Variants in MGST3 observed in about 807,000 individuals in gnomAD.
MGST3 encodes glutathione S-transferase 3, mitochondrial.
In MGST3, 13 loss-of-function variants were observed where a neutral mutation model predicts 15.8. The ratio of observed to expected loss-of-function variants is 0.82; its 90% CI spans 0.54 to 1.31. The LOEUF (loss-of-function observed/expected upper bound fraction) is 1.31, where lower values mean the gene tolerates loss of function less well. MGST3 is among the 50% of genes most tolerant of loss of function. The pLI is 0.00. For missense variants in MGST3, 155 were observed against 192.4 expected (o/e 0.81, Z 1.15); for synonymous variants, 49 against 68.1 (o/e 0.72, Z 1.38).
At chr1:165,650,687 A>G in intron 2 of MGST3, 1 of 372,656 alleles carries the variant, frequency 2.7e-6, no homozygotes, top group African/African-American at 2.1e-5. Flanking sequence ...CTATTTCCCT[A>G]CAGTATCTTT....
chr1:165,655,597 C>G lies in MGST3; in HGVS notation c.*93C>G. ...TTTTCTAAATATAATAAAAACTTAC[C>G]TGGCATCAGCCTCATACCTAAAACT... is the stretch of plus-strand genomic sequence containing the variant. On this transcript the variant is annotated 3_prime_UTR_variant, in exon 6 of 6. Coordinates refer to ENST00000367889, the MANE Select transcript of MGST3 (RefSeq NM_004528.4). 1 of 1,476,366 alleles carries G rather than the reference C, an allele frequency of 6.8e-7. No homozygotes were observed. Among genetic ancestry groups the G allele is most frequent in the Non-Finnish European group, 9.3e-7 (1 of 1,078,394 alleles). The allele number at this position is 1,476,366 out of a possible 1,614,324, so 91.5% of individuals were successfully genotyped here. A position where few individuals can be genotyped will look rare whatever the true frequency, so the allele number is the denominator to read the frequency against.
At chr1:165,633,416 C>T (rs1464815587) in intron 1 of MGST3, among the ~76,000 whole-genome samples, 2 of 152,040 alleles carry the variant, frequency 1.3e-5, no homozygotes, top group Non-Finnish European at 2.9e-5. Flanking sequence ...TTGCGTTCTA[C>T]GATTTAGTTG....
intron 1 of MGST3, among the ~76,000 whole-genome samples, chr1:165,641,468 A>G (rs1648264088): frequency 1.3e-5 from 2 of 152,242 alleles, no homozygotes; most frequent in African/African-American, 2.4e-5. Flanking sequence ...ATTATTTTAA[A>G]CAAAATCAGA....
chr1:165,644,322 T>G lies in MGST3; in HGVS notation c.-7-5519T>G, dbSNP rs1648336595. On this transcript the variant is annotated intron_variant, in intron 1 of 5. Transcript: ENST00000367889. Reference sequence around the variant, plus strand: ...GCCTATTGCTTCTAGGCTGCAAACATGTACAGCATGTTACTGTACTGAATA... The same window carrying G: ...GCCTATTGCTTCTAGGCTGCAAACAGGTACAGCATGTTACTGTACTGAATA... 2.6e-5 allele frequency among the ~76,000 whole-genome samples: 4 copies of G among 152,342 alleles called. No individual in the cohort carries two copies. In the South Asian group the frequency reaches 8.3e-4, roughly 32 times the overall value.
chr1:165,639,434 T>TA (rs886287392), intron 1 of MGST3, among the ~76,000 whole-genome samples: 2 of 152,236 alleles, frequency 1.3e-5, no homozygotes, highest in African/African-American at 4.8e-5. Flanking sequence ...ATAATAATAG[T>TA]AACTATCATA....
rs764568374 is a variant in MGST3 at position 165,654,367 on chromosome 1, C to T, written c.322+16C>T. The T allele has an allele frequency of 6.2e-7, 1 of 1,611,158 alleles. No individual in the cohort carries two copies. The highest frequency in any genetic ancestry group is 8.5e-7 in the Non-Finnish European group (1 of 1,177,382). On this transcript the variant is annotated intron_variant, in intron 5 of 5. Transcript: ENST00000367889. ...TACACGGGAGGTTAGTATATATTGA[C>T]ATTTGCCAAGGAAACAACTTTAAAA...
intron 1 of MGST3, among the ~76,000 whole-genome samples, chr1:165,633,695 A>G (rs1477223385): frequency 6.6e-6 from 1 of 152,100 alleles, no homozygotes; most frequent in East Asian, 1.9e-4. Context: ...GCTGCTACAA[A>G]TTAACTACAG....
intron 1 of MGST3, chr1:165,636,902 C>G (rs1648128176): frequency 6.6e-6 from 1 of 152,208 alleles, no homozygotes; most frequent in African/African-American, 2.4e-5. Context: ...AGAAGTTAGG[C>G]TGTACAACTA....
intron 1 of MGST3, chr1:165,631,999 G>GT: frequency 8.6e-6 from 4 of 463,616 alleles, no homozygotes; most frequent in Non-Finnish European, 1.6e-5. Flanking sequence ...GCACGGAGCC[G>GT]TAGGGCTACA....
intron 1 of MGST3, among the ~76,000 whole-genome samples, chr1:165,638,739 T>G (rs1344893274): frequency 2.0e-5 from 3 of 149,336 alleles, no homozygotes; most frequent in Non-Finnish European, 4.4e-5. Flanking sequence ...GCCAAGATCG[T>G]GCCACTGCAC....
intron 1 of MGST3, chr1:165,646,284 T>G (rs1220267958): frequency 6.6e-6 from 1 of 152,242 alleles, no homozygotes; most frequent in Non-Finnish European, 1.5e-5. Flanking sequence ...CACACAAAAG[T>G]CACTCTCTAA....
chr1:165,653,925 T>G, intron 4 of MGST3: 1 of 345,928 alleles, frequency 2.9e-6, no homozygotes, highest in South Asian at 2.5e-5. Context: ...TTGGGGCAGT[T>G]CTCTTTTCTG....
chr1:165,633,071 T>C (rs1647997094), intron 1 of MGST3, among the ~76,000 whole-genome samples: 2 of 152,244 alleles, frequency 1.3e-5, no homozygotes, highest in African/African-American at 2.4e-5. Context: ...TTTAAAGCAA[T>C]ATTTGTTTCG....
intron 5 of MGST3, among the ~76,000 whole-genome samples, chr1:165,654,893 C>G (rs527773073): frequency 1.3e-5 from 2 of 152,144 alleles, no homozygotes; most frequent in Non-Finnish European, 2.9e-5. Flanking sequence ...TACAACAATT[C>G]TGTAATACAG....
chr1:165,632,206 G>A, intron 1 of MGST3: 1 of 1,608,476 alleles, frequency 6.2e-7, no homozygotes. Flanking sequence ...AGAGGCAGGG[G>A]TTAGAACTTT....
chr1:165,644,200 ATG>A (rs1245032261), intron 1 of MGST3, among the ~76,000 whole-genome samples: 10 of 152,210 alleles, frequency 6.6e-5, no homozygotes, highest in Middle Eastern at 3.2e-3. Flanking sequence ...GTTCTGAGAA[ATG>A]TGTTAGGTGA....
intron 1 of MGST3, among the ~76,000 whole-genome samples, chr1:165,639,708 C>T (rs1253565265): frequency 2.0e-5 from 3 of 152,142 alleles, no homozygotes; most frequent in Non-Finnish European, 4.4e-5. Context: ...GAGGTTGAGG[C>T]ATGAGAATTG....
chr1:165,654,340 A>G lies in MGST3; in HGVS notation c.311A>G (p.Tyr104Cys). The G allele has an allele frequency of 6.2e-7, 1 of 1,614,034 alleles. No homozygotes were observed. Among genetic ancestry groups the G allele is most frequent in the Non-Finnish European group, 8.5e-7 (1 of 1,179,910 alleles). ...GGACGAGTTCTTTATGCTTATGGCT[A>G]TTACACGGGAGGTTAGTATATATTG... is the stretch of plus-strand genomic sequence containing the variant. Reference protein sequence around the residue: ...IVGRVLYAYGYYTGEPSKRSR... With the variant: ...IVGRVLYAYGCYTGEPSKRSR... Residue 104 changes from tyrosine (Y) to cysteine (C), a missense_variant, in exon 5 of 6, where the codon TAT (tyrosine) becomes TGT (cysteine). Transcript: ENST00000367889.
chr1:165,647,502 C>CT (rs1250535435), intron 1 of MGST3: 1 of 152,148 alleles, frequency 6.6e-6, no homozygotes, highest in Non-Finnish European at 1.5e-5. Context: ...TACTGAGCCT[C>CT]TATTTCCTTT....
Sources: allele counts gnomAD v4.1 joint callset (sites outside exome capture counted in the v4.1 genomes callset), GRCh38; gene constraint gnomAD v4.1.1; transcripts MANE v1.5; gene names NCBI Gene and HGNC (gene_info 2026-07-23, HGNC 2026-07-21).